UGT1A10: variants seen among roughly 807,000 people sequenced by gnomAD.
The protein encoded by UGT1A10 is UDP-glucuronosyltransferase 1A10.
A neutral mutation model predicts 45.8 loss-of-function variants in UGT1A10; 49 were observed. The observed-to-expected ratio is 1.07, with a 90% CI of 0.85 to 1.36. The LOEUF (loss-of-function observed/expected upper bound fraction) is 1.36. Ranked by LOEUF, UGT1A10 falls within the 40% of genes most tolerant of loss-of-function variation. The probability of loss-of-function intolerance (pLI) is 0.00; values close to 1 mark genes in which losing one functional copy is unlikely to be tolerated. For missense variants in UGT1A10, 745 were observed against 668.6 expected (o/e 1.11, Z -1.26); for synonymous variants, 284 against 249.7 (o/e 1.14, Z -1.29).
chr2:233,756,486 T>G (rs1239866709), intron 1 of UGT1A10: 1 of 152,220 alleles, frequency 6.6e-6, no homozygotes, highest in East Asian at 1.9e-4. Context: ...TCTGCAGATG[T>G]GAAGCCCAAG....
At chr2:233,719,688 G>A in intron 1 of UGT1A10, 1 of 1,614,002 alleles carries the variant, frequency 6.2e-7, no homozygotes, top group Non-Finnish European at 8.5e-7. Context: ...ACTATCTCAG[G>A]TCTGTATTGG....
chr2:233,654,129 G>T (rs1215188646), intron 1 of UGT1A10, among the ~76,000 whole-genome samples: 4 of 152,098 alleles, frequency 2.6e-5, no homozygotes, highest in African/African-American at 4.8e-5. Context: ...ACATAGCATA[G>T]CAAATTGTAA....
At chr2:233,736,756 T>G (rs535805323) in intron 1 of UGT1A10, among the ~76,000 whole-genome samples, 1 of 152,338 alleles carries the variant, frequency 6.6e-6, no homozygotes, top group Non-Finnish European at 1.5e-5. Context: ...TTGTTAGTTT[T>G]CCTTCTAACA....
chr2:233,638,054 T>C (rs1216859249), intron 1 of UGT1A10, among the ~76,000 whole-genome samples: 1 of 152,164 alleles, frequency 6.6e-6, no homozygotes, highest in African/African-American at 2.4e-5. Context: ...CGTGAATATA[T>C]TTCTATATTC....
intron 1 of UGT1A10, among the ~76,000 whole-genome samples, chr2:233,642,454 A>G (rs1447921380): frequency 6.6e-6 from 1 of 152,220 alleles, no homozygotes; most frequent in Non-Finnish European, 1.5e-5. Context: ...TTTCCTCAAC[A>G]CAGCTATTTT....
intron 1 of UGT1A10, among the ~76,000 whole-genome samples, chr2:233,735,346 T>G (rs559111340): frequency 6.6e-6 from 1 of 152,330 alleles, no homozygotes; most frequent in African/African-American, 2.4e-5. Flanking sequence ...GCTTTTTTTT[T>G]GCTTTCCATT....
rs1273237448 is a variant in UGT1A10 at position 233,760,469 on chromosome 2, C to G, written c.856-6565C>G. The G allele has an allele frequency of 6.2e-6, 10 of 1,614,092 alleles. No homozygotes were observed. The highest frequency in any genetic ancestry group is 2.2e-5 in the South Asian group (2 of 91,086). On this transcript the variant is annotated intron_variant, in intron 1 of 4. Transcript: ENST00000344644. The stretch of plus-strand genomic sequence containing the variant: ...AGGGGACATGAAATAGTTGTCCTAG[C>G]ACCTGACGCCTCGTTGTACATCAGA...
chr2:233,754,906 T>C, intron 1 of UGT1A10: 3 of 1,351,506 alleles, frequency 2.2e-6, no homozygotes, highest in South Asian at 1.1e-5. Flanking sequence ...CCCCCCAAAA[T>C]ATTCTCCAGC....
intron 1 of UGT1A10, among the ~76,000 whole-genome samples, chr2:233,698,922 T>C (rs187139910): frequency 6.6e-6 from 1 of 152,318 alleles, no homozygotes; most frequent in Admixed American, 6.5e-5. Flanking sequence ...GACGTGGCCG[T>C]CTCAGAGGGC....
chr2:233,667,944 CT>C (rs1301836030), intron 1 of UGT1A10, among the ~76,000 whole-genome samples: 3 of 152,160 alleles, frequency 2.0e-5, no homozygotes, highest in African/African-American at 7.2e-5. Flanking sequence ...GGACTGTAAA[CT>C]TTTTATTTTA....
chr2:233,768,054 A>G (rs1384127703), intron 3 of UGT1A10, 118 bp downstream of exon 3: 4 of 1,603,256 alleles, frequency 2.5e-6, no homozygotes, highest in East Asian at 4.5e-5. Context: ...CATATCCTAC[A>G]TTGCTTTTTA....
At position 233,649,109 on chromosome 2, in the gene UGT1A10, A is replaced by G. The variant is rs1039483988; in HGVS notation, c.855+11732A>G. 10 of 782,600 alleles carry G rather than the reference A, an allele frequency of 1.3e-5. No homozygotes were observed. In the African/African-American group the frequency reaches 1.6e-4, roughly 13 times the overall value. The allele number at this position is 782,600 out of a possible 1,614,324, so 48.5% of individuals were successfully genotyped here. A position where few individuals can be genotyped will look rare whatever the true frequency, so the allele number is the denominator to read the frequency against. On this transcript the variant is annotated intron_variant, in intron 1 of 4. Coordinates refer to ENST00000344644, the MANE Select transcript of UGT1A10 (RefSeq NM_019075.4). ...ATTCCTTACGGAACTGGGATTTGAC[A>G]TTTGTGTTTGTTGCATCTAAAATTT...
chr2:233,736,452 G>A (rs1396481734), intron 1 of UGT1A10, among the ~76,000 whole-genome samples: 6 of 152,126 alleles, frequency 3.9e-5, no homozygotes, highest in Non-Finnish European at 7.3e-5. Flanking sequence ...CAATAGGTTC[G>A]AACATGCACT....
At chr2:233,681,183 T>A (rs1209270478) in intron 1 of UGT1A10, among the ~76,000 whole-genome samples, 1 of 151,944 alleles carries the variant, frequency 6.6e-6, no homozygotes, top group Non-Finnish European at 1.5e-5. Flanking sequence ...CCTTGCTCTC[T>A]TTCCGTCGAA....
chr2:233,747,514 T>C, intron 1 of UGT1A10: 2 of 1,607,704 alleles, frequency 1.2e-6, no homozygotes, highest in Non-Finnish European at 1.7e-6. Context: ...CAACTGTACT[T>C]TGAAACAGAA....
At chr2:233,682,501 C>T in intron 1 of UGT1A10, 1 of 1,613,958 alleles carries the variant, frequency 6.2e-7, no homozygotes, top group South Asian at 1.1e-5. Flanking sequence ...CTCCTCTTTC[C>T]TATGTCCCCA....
chr2:233,673,111 G>T (rs748488446), intron 1 of UGT1A10, among the ~76,000 whole-genome samples: 1 of 152,110 alleles, frequency 6.6e-6, no homozygotes, highest in African/African-American at 2.4e-5. Flanking sequence ...GCCCGCCCCA[G>T]AGGAAATGGT....
At chr2:233,640,245 G>A (rs1285666325) in intron 1 of UGT1A10, among the ~76,000 whole-genome samples, 1 of 152,138 alleles carries the variant, frequency 6.6e-6, no homozygotes, top group African/African-American at 2.4e-5. Context: ...ATGTGCACCT[G>A]TATATCAATC....
At chr2:233,712,503 G>T (rs2076237621) in intron 1 of UGT1A10, among the ~76,000 whole-genome samples, 1 of 152,214 alleles carries the variant, frequency 6.6e-6, no homozygotes, top group Non-Finnish European at 1.5e-5. Flanking sequence ...TAGCAATGTT[G>T]TCTGCATTTT....
Sources: allele counts gnomAD v4.1 joint callset (sites outside exome capture counted in the v4.1 genomes callset), GRCh38; gene constraint gnomAD v4.1.1; transcripts MANE v1.5; gene names NCBI Gene and HGNC (gene_info 2026-07-23, HGNC 2026-07-21).